The following HDAC4 variants were observed in gnomAD, a reference collection of about 807,000 sequenced individuals.
HDAC4 encodes histone deacetylase A.
Under a neutral mutation model 135.1 loss-of-function variants are expected in HDAC4, and 16 were observed. That is an observed-to-expected ratio of 0.12 (90% CI 0.08 to 0.18). HDAC4 has a LOEUF of 0.18. HDAC4 is among the 10% of genes least tolerant of loss of function. The pLI, the probability that HDAC4 is intolerant of heterozygous loss-of-function variation, is 1.00. For synonymous variants in HDAC4, 685 were observed against 653.4 expected, an observed-to-expected ratio of 1.05 and a Z score of -0.74; for missense variants, 1,143 against 1,511.8, an observed-to-expected ratio of 0.76 and a Z score of 4.05.
chr2:239,270,856 A>G (rs990248891), intron 2 of HDAC4, among the ~76,000 whole-genome samples: 1 of 152,190 alleles, frequency 6.6e-6, no homozygotes, highest in Non-Finnish European at 1.5e-5. Context: ...AAAACCCCAG[A>G]TACAGAGTAA....
chr2:239,255,168 AT>A (rs1329142891), intron 2 of HDAC4, among the ~76,000 whole-genome samples: 2 of 152,250 alleles, frequency 1.3e-5, no homozygotes, highest in Non-Finnish European at 2.9e-5. Context: ...AAAGAGTAAG[AT>A]GACAGAAGCA....
chr2:239,100,131 T>C (rs1429623354), intron 16 of HDAC4, among the ~76,000 whole-genome samples: 3 of 152,238 alleles, frequency 2.0e-5, no homozygotes, highest in African/African-American at 4.8e-5. Flanking sequence ...GGGTCTTTCT[T>C]ACCCCTGGTG....
intron 2 of HDAC4, among the ~76,000 whole-genome samples, chr2:239,265,334 G>C (rs1476285943): frequency 1.3e-5 from 2 of 152,226 alleles, no homozygotes; most frequent in Non-Finnish European, 2.9e-5. Flanking sequence ...CACCGCCACA[G>C]ACTTTCGTAT....
At chr2:239,325,702 C>A (rs10188303) in intron 2 of HDAC4, among the ~76,000 whole-genome samples, 15,054 of 152,098 alleles carry the variant, frequency 0.099, 1,318 homozygotes, top group East Asian at 0.42. Context: ...TGGTGGCTCA[C>A]GCCTGTAATC....
chr2:239,394,384 T>C (rs1696429883), intron 1 of HDAC4, among the ~76,000 whole-genome samples: 1 of 152,232 alleles, frequency 6.6e-6, no homozygotes, highest in East Asian at 1.9e-4. Flanking sequence ...ATGTCATTAA[T>C]TCTAATTTAA....
At chr2:239,111,757 G>A (rs373772997) in intron 13 of HDAC4, 45 bp from the exon 14 acceptor site, 22 of 1,528,716 alleles carry the variant, frequency 1.4e-5, no homozygotes, top group South Asian at 5.9e-5. Flanking sequence ...GATGTCTCCC[G>A]CCCCTGGGCT....
At chr2:239,223,552 C>G (rs1475930419) in intron 3 of HDAC4, among the ~76,000 whole-genome samples, 8 of 152,194 alleles carry the variant, frequency 5.3e-5, no homozygotes, top group Non-Finnish European at 8.8e-5. Flanking sequence ...GTTCCTGAAC[C>G]AGTAACTACT....
chr2:239,256,141 G>A (rs564579318), intron 2 of HDAC4, among the ~76,000 whole-genome samples: 52 of 152,298 alleles, frequency 3.4e-4, no homozygotes, highest in African/African-American at 1.2e-3. Context: ...TTCCAGCTGC[G>A]TTTCAGAGTT....
At chr2:239,159,459 TCACACCCACTTACACG>T (rs1195829072) in intron 6 of HDAC4, among the ~76,000 whole-genome samples, 1 of 93,864 alleles carries the variant, frequency 1.1e-5, no homozygotes, top group African/African-American at 4.3e-5. Flanking sequence ...CCCATCTACC[TCACACCCACTTACACG>T]CACACCCCAC....
chr2:239,154,016 T>C (rs1384817648), intron 7 of HDAC4, among the ~76,000 whole-genome samples: 1 of 152,180 alleles, frequency 6.6e-6, no homozygotes, highest in African/African-American at 2.4e-5. Flanking sequence ...GATCCCCAGG[T>C]AGTGCTGACA....
At chr2:239,366,185 G>A (rs950762892) in intron 1 of HDAC4, among the ~76,000 whole-genome samples, 7 of 150,650 alleles carry the variant, frequency 4.6e-5, no homozygotes, top group Admixed American at 4.6e-4. Context: ...GGCACTATGT[G>A]ACACATACAG....
At chr2:239,099,043 A>T (rs1461928556) in intron 16 of HDAC4, among the ~76,000 whole-genome samples, 2 of 152,240 alleles carry the variant, frequency 1.3e-5, no homozygotes, top group Non-Finnish European at 2.9e-5. Flanking sequence ...CTGCAGAGAC[A>T]CTTCAATAAA....
chr2:239,118,298 C>T (rs985297140), intron 12 of HDAC4, among the ~76,000 whole-genome samples: 7 of 152,156 alleles, frequency 4.6e-5, no homozygotes, highest in Admixed American at 2.0e-4. Flanking sequence ...ATCTCTAAAC[C>T]GAAGGCAGCT....
chr2:239,165,482 CTG>C (rs111788661), intron 5 of HDAC4, among the ~76,000 whole-genome samples: 11 of 151,258 alleles, frequency 7.3e-5, no homozygotes, highest in African/African-American at 1.2e-4. Context: ...TGTTGTGGGT[CTG>C]TGTGTGTGTG....
chr2:239,211,269 T>C (rs2046343076), intron 3 of HDAC4, among the ~76,000 whole-genome samples: 1 of 152,222 alleles, frequency 6.6e-6, no homozygotes, highest in Admixed American at 6.5e-5. Context: ...ATAAACAGAA[T>C]TGTTGCCCTC....
intron 2 of HDAC4, among the ~76,000 whole-genome samples, chr2:239,239,612 C>T (rs972379030): frequency 6.6e-5 from 10 of 152,160 alleles, no homozygotes; most frequent in Non-Finnish European, 1.0e-4. Context: ...CTGCCAGGAA[C>T]GAGGACAAAG....
At chr2:239,210,051 C>T (rs1349346933) in intron 3 of HDAC4, among the ~76,000 whole-genome samples, 2 of 151,996 alleles carry the variant, frequency 1.3e-5, no homozygotes, top group Non-Finnish European at 2.9e-5. Flanking sequence ...TTCTCATAGA[C>T]AGCCGAATCT....
chr2:239,354,940 GC>G (rs1693398692), intron 1 of HDAC4, among the ~76,000 whole-genome samples: 1 of 151,742 alleles, frequency 6.6e-6, no homozygotes, highest in South Asian at 2.1e-4. Context: ...TCACAAATAT[GC>G]CCCCCTCAAA....
chr2:239,256,794 T>C (rs749429233), intron 2 of HDAC4, among the ~76,000 whole-genome samples: 17 of 152,240 alleles, frequency 1.1e-4, no homozygotes, highest in Non-Finnish European at 1.6e-4. Flanking sequence ...ATTTCAAATA[T>C]AGTCAACTTC....
Sources: gnomAD v4.1 joint callset for allele counts (sites outside exome capture counted in the v4.1 genomes callset) on GRCh38, gnomAD v4.1.1 for gene constraint, MANE v1.5 for transcripts, NCBI Gene and HGNC (gene_info 2026-07-23, HGNC 2026-07-21) for gene names.